Variants in CHN2 observed in about 807,000 individuals in gnomAD.
CHN2 encodes beta-chimaerin.
CHN2 carries 35 observed loss-of-function variants against 56.3 expected under a neutral mutation model. That is an observed-to-expected ratio of 0.62 (90% CI 0.47 to 0.82). CHN2 has a LOEUF of 0.82. CHN2 is among the 40% of genes least tolerant of loss of function. The pLI, the probability that CHN2 is intolerant of heterozygous loss-of-function variation, is 0.00. For missense variants in CHN2, 491 were observed against 580.5 expected (o/e 0.85, Z 1.58); for synonymous variants, 210 against 212.8 (o/e 0.99, Z 0.12).
At chr7:29,281,666 A>C (rs1469361110) in intron 1 of CHN2, among the ~76,000 whole-genome samples, 1 of 138,562 alleles carries the variant, frequency 7.2e-6, no homozygotes, top group Non-Finnish European at 1.6e-5. Context: ...CAACATATCC[A>C]AAGGATCCTT....
rs145323306 is a variant in CHN2, at chr7:29,438,832, G to A, written c.576+38004G>A. ...TGGTTGATTAAACAACCTTTGTTGAGAGTAATATTAGAAACAGACAGTTGT... is the reference window on the plus strand; with the variant it reads ...TGGTTGATTAAACAACCTTTGTTGAAAGTAATATTAGAAACAGACAGTTGT... On this transcript the variant is annotated intron_variant, in intron 6 of 12. Transcript: ENST00000222792. Among the ~76,000 whole-genome samples, 547 of 152,294 alleles carry A rather than the reference G, an allele frequency of 3.6e-3. 4 individuals carry two copies. The highest frequency in any genetic ancestry group is 5.6e-3 in the Non-Finnish European group (380 of 68,024).
intron 1 of CHN2, among the ~76,000 whole-genome samples, chr7:29,337,249 T>TA (rs1796699572): frequency 6.6e-6 from 1 of 152,162 alleles, no homozygotes; most frequent in Non-Finnish European, 1.5e-5. Flanking sequence ...TGAAAATAGA[T>TA]AAACAGAGGG....
intron 6 of CHN2, among the ~76,000 whole-genome samples, chr7:29,477,556 G>A (rs1284293323): frequency 2.6e-5 from 4 of 152,152 alleles, no homozygotes; most frequent in Admixed American, 6.5e-5. Context: ...GGTCTCTCTC[G>A]CTTTGCTAGC....
chr7:29,314,079 A>G (rs1400836010), intron 1 of CHN2, among the ~76,000 whole-genome samples: 1 of 152,238 alleles, frequency 6.6e-6, no homozygotes, highest in Non-Finnish European at 1.5e-5. Flanking sequence ...ATTAAAGGCA[A>G]AATTTCCAAG....
At chr7:29,506,703 C>A (rs1309811050) in intron 10 of CHN2, among the ~76,000 whole-genome samples, 1 of 152,064 alleles carries the variant, frequency 6.6e-6, no homozygotes, top group Non-Finnish European at 1.5e-5. Flanking sequence ...TAAAGTTTCC[C>A]AGATTAAAGT....
At chr7:29,437,273 A>G (rs1783295565) in intron 6 of CHN2, among the ~76,000 whole-genome samples, 1 of 152,208 alleles carries the variant, frequency 6.6e-6, no homozygotes, top group Admixed American at 6.5e-5. Flanking sequence ...TTCCAAGGCC[A>G]TATGCTGGTG....
intron 1 of CHN2, among the ~76,000 whole-genome samples, chr7:29,216,927 T>C (rs1271492374): frequency 1.3e-5 from 2 of 152,212 alleles, no homozygotes; most frequent in Non-Finnish European, 2.9e-5. Context: ...GTAATGAAGA[T>C]GGTGTTAAGC....
At chr7:29,501,950 C>A (rs1790014666) in intron 9 of CHN2, among the ~76,000 whole-genome samples, 1 of 152,190 alleles carries the variant, frequency 6.6e-6, no homozygotes. Context: ...ATTTGCATAT[C>A]TGTTTCTTCA....
Position 29,367,985 on chromosome 7 carries a change from G to A in CHN2, c.142G>A (p.Glu48Lys). 1 of 1,610,296 alleles carries A rather than the reference G, an allele frequency of 6.2e-7. No homozygotes were observed. Among genetic ancestry groups the A allele is most frequent in the Non-Finnish European group, 8.5e-7 (1 of 1,178,398 alleles). ...TCCCAAGAGAATCATTTGTCCTCGG[G>A]AGGTCAGTGCTCAGCTATTTCCAAT... ...PRPKRIICPREVENRPKYYGR... is the reference protein window; with the variant it reads ...PRPKRIICPRKVENRPKYYGR... The change falls in exon 3 of 13, where the codon GAG becomes AAG. Residue 48 changes from glutamate to lysine, a missense_variant and splice_region_variant. By Grantham distance (56) the Glu-to-Lys change is moderately conservative. Coordinates refer to ENST00000222792, the MANE Select transcript of CHN2 (RefSeq NM_004067.4).
intron 1 of CHN2, among the ~76,000 whole-genome samples, chr7:29,313,655 C>T (rs1794747134): frequency 1.3e-5 from 2 of 152,144 alleles, no homozygotes; most frequent in Admixed American, 6.5e-5. Flanking sequence ...TCCCTAAACC[C>T]GAAAACATTC....
At chr7:29,267,409 AT>A (rs760215229) in intron 1 of CHN2, among the ~76,000 whole-genome samples, 2 of 151,650 alleles carry the variant, frequency 1.3e-5, no homozygotes, top group Middle Eastern at 3.2e-3. Flanking sequence ...CACCTGGCTA[AT>A]TTTTTGTATT....
intron 1 of CHN2, among the ~76,000 whole-genome samples, chr7:29,206,611 A>G (rs1244285957): frequency 6.6e-6 from 1 of 152,122 alleles, no homozygotes; most frequent in African/African-American, 2.4e-5. Context: ...ATTTGCATGT[A>G]CTTGCAACAG....
chr7:29,372,091 T>G (rs189998070), intron 3 of CHN2, among the ~76,000 whole-genome samples: 60 of 152,208 alleles, frequency 3.9e-4, no homozygotes, highest in Non-Finnish European at 6.5e-4. Flanking sequence ...AGTAACAAAT[T>G]TCTTGCCGTG....
intron 6 of CHN2, among the ~76,000 whole-genome samples, chr7:29,408,131 A>G (rs965785586): frequency 2.0e-5 from 3 of 151,994 alleles, no homozygotes; most frequent in African/African-American, 4.8e-5. Flanking sequence ...CGGAGGTTGT[A>G]GTGAGCCCAG....
At chr7:29,233,558 C>T (rs1167807419) in intron 1 of CHN2, among the ~76,000 whole-genome samples, 16 of 152,128 alleles carry the variant, frequency 1.1e-4, no homozygotes, top group Admixed American at 1.0e-3. Context: ...AGGTTTCTCT[C>T]AGCTGGTTTT....
chr7:29,471,875 C>G (rs1786078342), intron 6 of CHN2, among the ~76,000 whole-genome samples: 1 of 152,098 alleles, frequency 6.6e-6, no homozygotes, highest in Admixed American at 6.5e-5. Flanking sequence ...CAGGTCCCAC[C>G]CTGATCTTTC....
intron 6 of CHN2, among the ~76,000 whole-genome samples, chr7:29,441,900 A>G (rs1232662706): frequency 1.3e-5 from 2 of 152,212 alleles, no homozygotes; most frequent in African/African-American, 4.8e-5. Context: ...AAAGTAGAAT[A>G]CCATATAACT....
intron 1 of CHN2, among the ~76,000 whole-genome samples, chr7:29,220,761 A>G (rs1785732530): frequency 6.6e-6 from 1 of 152,220 alleles, no homozygotes; most frequent in Non-Finnish European, 1.5e-5. Flanking sequence ...AAACTCTTAT[A>G]GAAAATAGAA....
chr7:29,492,372 G>C (rs1463105244), intron 7 of CHN2, among the ~76,000 whole-genome samples: 1 of 151,926 alleles, frequency 6.6e-6, no homozygotes, highest in Non-Finnish European at 1.5e-5. Context: ...TATCTGATTT[G>C]AGTTTCATTT....
Sources: allele counts gnomAD v4.1 joint callset (sites outside exome capture counted in the v4.1 genomes callset), GRCh38; gene constraint gnomAD v4.1.1; transcripts MANE v1.5; gene names NCBI Gene and HGNC (gene_info 2026-07-23, HGNC 2026-07-21).